Variants in AFF4 observed in about 807,000 individuals in gnomAD.
AFF4 encodes AF4/FMR2 family member 4.
A neutral mutation model predicts 124.8 loss-of-function variants in AFF4; 13 were observed. The observed-to-expected ratio is 0.10, with a 90% CI of 0.07 to 0.17. The LOEUF (loss-of-function observed/expected upper bound fraction) is 0.17, where lower values mean the gene tolerates loss of function less well. Ranked by LOEUF, AFF4 falls within the 10% of genes least tolerant of loss-of-function variation. The pLI is 1.00. For synonymous variants in AFF4, 477 were observed against 496.1 expected, an observed-to-expected ratio of 0.96 and a Z score of 0.51; for missense variants, 1,092 against 1,403.8, an observed-to-expected ratio of 0.78 and a Z score of 3.55.
chr5:132,921,126 C>CAA (rs57115662), intron 5 of AFF4, among the ~76,000 whole-genome samples: 12 of 87,608 alleles, frequency 1.4e-4, no homozygotes, highest in Admixed American at 3.3e-4. Flanking sequence ...GACTCTGTCA[C>CAA]AAAAAAAAAA....
chr5:132,945,619 G>A (rs1192172503), intron 1 of AFF4, among the ~76,000 whole-genome samples: 3 of 152,118 alleles, frequency 2.0e-5, no homozygotes, highest in African/African-American at 7.2e-5. Context: ...GGGCATGGTG[G>A]TGGGCACCTG....
chr5:132,941,734 G>A (rs1761573097), intron 1 of AFF4, among the ~76,000 whole-genome samples: 2 of 151,960 alleles, frequency 1.3e-5, no homozygotes, highest in Admixed American at 6.6e-5. Flanking sequence ...TTGGCCAGGC[G>A]CGGTGGCTCA....
chr5:132,914,327 G>A (rs575698164), intron 5 of AFF4, among the ~76,000 whole-genome samples: 1 of 152,106 alleles, frequency 6.6e-6, no homozygotes, highest in African/African-American at 2.4e-5. Flanking sequence ...AGCAAGCCGG[G>A]CGCAGCGGCT....
At chr5:132,913,295 A>G (rs1478331559) in intron 5 of AFF4, among the ~76,000 whole-genome samples, 3 of 152,244 alleles carry the variant, frequency 2.0e-5, no homozygotes, top group Non-Finnish European at 4.4e-5. Flanking sequence ...GAAGAAACAA[A>G]GCAAGAACAT....
chr5:132,934,861 G>A lies in AFF4; in HGVS notation c.204C>T (p.Asp68=). ...TTGCAACAAGCTTTGGTATAGATCT[G>A]TCTCCTATGAAATCCTTCATTTCAT... ...NYDEMKDFIG[D]RSIPKLVAIP... Residue 68 remains aspartate, a synonymous_variant, in exon 3 of 21, where the codon GAC becomes GAT. Transcript: ENST00000265343. 6.2e-7 allele frequency: 1 copy of A among 1,613,982 alleles called. No homozygotes were observed. Among genetic ancestry groups the A allele is most frequent in the South Asian group, 1.1e-5 (1 of 91,078 alleles).
At chr5:132,888,537 CAGT>C (rs1760174868) in intron 14 of AFF4, among the ~76,000 whole-genome samples, 1 of 152,140 alleles carries the variant, frequency 6.6e-6, no homozygotes, top group African/African-American at 2.4e-5. Flanking sequence ...GTGATATCAG[CAGT>C]AGTAAGATTC....
chr5:132,882,723 C>T (rs754077180), intron 20 of AFF4, among the ~76,000 whole-genome samples: 11 of 151,952 alleles, frequency 7.2e-5, no homozygotes, highest in East Asian at 1.9e-4. Flanking sequence ...GGCATGGTGG[C>T]GGGCACCTGT....
intron 1 of AFF4, among the ~76,000 whole-genome samples, chr5:132,959,651 C>A (rs1323015981): frequency 1.3e-5 from 2 of 150,506 alleles, no homozygotes; most frequent in Non-Finnish European, 3.0e-5. Flanking sequence ...TGCCAAAACT[C>A]AGTAACTGGA....
In AFF4 at chr5:132,887,908, C is replaced by A; in HGVS notation, c.2871G>T (p.Glu957Asp). ...GGGATTTGGATTCCTGAGCATTCTT[C>A]TCTAATGCATTCCCACATTCAATGA... ...VSFIECGNAL[E>D]KNAQESKSPF... Residue 957 changes from glutamate to aspartate, a missense_variant, in exon 16 of 21, where the codon GAG becomes GAT. Around this residue, in one of 11 missense-constraint regions of AFF4, gnomAD observed 173 missense variants for 294.9 expected, o/e 0.59. Transcript: ENST00000265343. 1 of 1,613,874 alleles carries A rather than the reference C, an allele frequency of 6.2e-7. No individual in the cohort carries two copies. Among genetic ancestry groups the A allele is most frequent in the Non-Finnish European group, 8.5e-7 (1 of 1,179,956 alleles).
At chr5:132,962,078 T>C (rs761079830) in intron 1 of AFF4, among the ~76,000 whole-genome samples, 8 of 152,236 alleles carry the variant, frequency 5.3e-5, no homozygotes, top group Non-Finnish European at 1.0e-4. Flanking sequence ...AAGATGATTC[T>C]AGGCAGACTC....
chr5:132,898,695 G>A (rs1760473556), intron 9 of AFF4, among the ~76,000 whole-genome samples: 1 of 151,736 alleles, frequency 6.6e-6, no homozygotes, highest in Non-Finnish European at 1.5e-5. Flanking sequence ...TATTGGTCAG[G>A]TGGGTCTCAA....
intron 1 of AFF4, among the ~76,000 whole-genome samples, chr5:132,952,496 A>G (rs1205734680): frequency 3.9e-5 from 6 of 152,078 alleles, no homozygotes; most frequent in African/African-American, 1.2e-4. Flanking sequence ...GGCTCTTCCC[A>G]TCCTACCTAC....
rs371609060 is a variant in AFF4 at position 132,933,126 on chromosome 5, G to C, written c.919-904C>G. 4.0e-5 allele frequency among the ~76,000 whole-genome samples: 6 copies of C among 151,556 alleles called. No homozygotes were observed. The East Asian group carries it at 1.2e-3, about 29-fold the overall frequency. The stretch of plus-strand genomic sequence containing the variant: ...AAAGATAAAATTTGGGGCCAGGCGC[G>C]GTGGCTCACGCCTGTAATCCCAGCA... On this transcript the variant is annotated intron_variant, in intron 3 of 20. Coordinates refer to ENST00000265343, the MANE Select transcript of AFF4 (RefSeq NM_014423.4).
At position 132,963,525 on chromosome 5, in the gene AFF4, T is replaced by C. The variant is rs1762129959; in HGVS notation, c.-271A>G. 1.0e-5 allele frequency: 4 copies of C among 397,990 alleles called. No homozygotes were observed. The highest frequency in any genetic ancestry group is 1.8e-5 in the Non-Finnish European group (4 of 225,762). 24.7% of individuals were successfully genotyped at this position (397,990 alleles called of 1,614,324 possible). On this transcript the variant is annotated 5_prime_UTR_variant, in exon 1 of 21. Transcript: ENST00000265343. The stretch of plus-strand genomic sequence containing the variant: ...ACGGTCGGGCCCGGGCTGGGACAGC[T>C]GACTGAGGCGGCGGGGGCGGGTTAA...
At chr5:132,899,709 T>C (rs1305387883) in intron 7 of AFF4, 68 bp from the exon 8 acceptor site, 10 of 1,385,544 alleles carry the variant, frequency 7.2e-6, no homozygotes, top group South Asian at 1.2e-5. Flanking sequence ...GTACTAAATA[T>C]CTACTAAAAA....
At chr5:132,887,150 T>C (rs941683296) in intron 17 of AFF4, among the ~76,000 whole-genome samples, 25 of 152,312 alleles carry the variant, frequency 1.6e-4, no homozygotes, top group Non-Finnish European at 3.5e-4. Flanking sequence ...CTCACTGGGA[T>C]GAAGCAAACA....
chr5:132,955,646 C>T (rs1441568467), intron 1 of AFF4, among the ~76,000 whole-genome samples: 6 of 151,414 alleles, frequency 4.0e-5, no homozygotes, highest in African/African-American at 1.5e-4. Context: ...GGCGTGGTGG[C>T]GGGCGCCTGT....
intron 4 of AFF4, among the ~76,000 whole-genome samples, chr5:132,931,233 A>G (rs1337329372): frequency 6.6e-6 from 1 of 151,970 alleles, no homozygotes; most frequent in African/African-American, 2.4e-5. Flanking sequence ...GTTCAAGACC[A>G]GCCCGGACAA....
In AFF4 at chr5:132,934,385, G is replaced by C; in HGVS notation, c.680C>G (p.Pro227Arg). The change falls in exon 3 of 21, where the codon CCT becomes CGT. Residue 227 changes from proline (P) to arginine (R), a missense_variant. Pro to Arg is a moderately radical substitution (Grantham distance 103). This residue lies in a region of AFF4 where 188 missense variants were observed against 203.0 expected (regional missense o/e 0.93). Transcript: ENST00000265343. ...DANWDSPSRV[P>R]FSSGQHSTQS... ...AGTTGAGTGCTGCCCACTTGAAAAA[G>C]GTACACGGGAAGGAGAATCCCAGTT... 1.9e-6 allele frequency: 3 copies of C among 1,614,130 alleles called. No homozygotes were observed. The highest frequency in any genetic ancestry group is 2.7e-5 in the African/African-American group (2 of 75,024).
Sources: gnomAD v4.1 joint callset for allele counts (sites outside exome capture counted in the v4.1 genomes callset) on GRCh38, gnomAD v4.1.1 for gene constraint, gnomAD v4.1.1 regional missense constraint, MANE v1.5 for transcripts, NCBI Gene and HGNC (gene_info 2026-07-23, HGNC 2026-07-21) for gene names.